Variants in SUCLG2 observed in about 807,000 individuals in gnomAD.
SUCLG2 encodes succinate-CoA ligase GDP-forming subunit beta.
SUCLG2 carries 42 observed loss-of-function variants against 47.9 expected under a neutral mutation model. The observed-to-expected ratio is 0.88, with a 90% CI of 0.69 to 1.14. The LOEUF is 1.14. Among genes scored for constraint, SUCLG2 ranks in the 50% most tolerant of loss-of-function variants. SUCLG2 has a pLI of 0.00. For synonymous variants in SUCLG2, 195 were observed against 197.3 expected (o/e 0.99, Z 0.10); for missense variants, 571 against 525.9 (o/e 1.09, Z -0.84).
At chr3:67,636,969 A>T (rs1701021605) in intron 1 of SUCLG2, among the ~76,000 whole-genome samples, 1 of 152,104 alleles carries the variant, frequency 6.6e-6, no homozygotes, top group Admixed American at 6.5e-5. Context: ...AGAAAGTAAG[A>T]CCTCAAGGCT....
intron 10 of SUCLG2, among the ~76,000 whole-genome samples, chr3:67,399,178 A>C (rs1300712890): frequency 6.8e-6 from 1 of 148,126 alleles, no homozygotes; most frequent in Admixed American, 6.7e-5. Context: ...TAATAATAAT[A>C]AAATAAAAAA....
At chr3:67,401,041 T>C (rs1488231671) in intron 9 of SUCLG2, among the ~76,000 whole-genome samples, 190 bp from the exon 10 acceptor site, 2 of 152,186 alleles carry the variant, frequency 1.3e-5, no homozygotes, top group African/African-American at 4.8e-5. Context: ...AATTAATAAA[T>C]ATCACAATAT....
Position 67,576,567 on chromosome 3 carries a change from C to A in SUCLG2, c.226+32888G>T, listed in dbSNP as rs1026163088. On this transcript the variant is annotated intron_variant, in intron 2 of 10. Transcript: ENST00000307227. The stretch of plus-strand genomic sequence containing the variant: ...AAATTTCCAGAGCAATCTTGAAGAG[C>A]TGCAACAGTTTAGGGAAATGTCAAG... Among the ~76,000 whole-genome samples, 6 of 152,284 alleles carry A rather than the reference C, an allele frequency of 3.9e-5. No homozygotes were observed. The South Asian group carries it at 6.2e-4, about 16-fold the overall frequency.
chr3:67,587,707 T>C (rs1003792338), intron 2 of SUCLG2, among the ~76,000 whole-genome samples: 1 of 152,226 alleles, frequency 6.6e-6, no homozygotes, highest in Non-Finnish European at 1.5e-5. Context: ...AATTGTACAG[T>C]TAATATTTCT....
intron 9 of SUCLG2, among the ~76,000 whole-genome samples, chr3:67,476,012 T>TCTCTCTCA (rs1342489887): frequency 1.3e-5 from 2 of 151,760 alleles, no homozygotes; most frequent in East Asian, 3.9e-4. Context: ...TCTCTCTCTC[T>TCTCTCTCA]CACAAGCTAA....
intron 7 of SUCLG2, among the ~76,000 whole-genome samples, chr3:67,507,656 T>C (rs1705673696): frequency 6.6e-6 from 1 of 152,230 alleles, no homozygotes; most frequent in Admixed American, 6.5e-5. Context: ...ATAGTGTAGT[T>C]TCTCTGAGTC....
intron 9 of SUCLG2, among the ~76,000 whole-genome samples, chr3:67,461,774 T>C (rs1488199499): frequency 2.0e-5 from 3 of 152,088 alleles, no homozygotes; most frequent in Non-Finnish European, 2.9e-5. Context: ...GGAGGTAGCA[T>C]GGCCCCCAGC....
At chr3:67,615,919 T>C (rs980301448) in intron 1 of SUCLG2, among the ~76,000 whole-genome samples, 4 of 152,040 alleles carry the variant, frequency 2.6e-5, no homozygotes, top group South Asian at 2.1e-4. Flanking sequence ...GCCCATCAAA[T>C]AGAAGACTGG....
chr3:67,630,769 A>G (rs1189113258), intron 1 of SUCLG2, among the ~76,000 whole-genome samples: 2 of 152,248 alleles, frequency 1.3e-5, no homozygotes, highest in Non-Finnish European at 2.9e-5. Flanking sequence ...CATGGATACC[A>G]TCAACAGGAG....
chr3:67,648,303 A>C (rs966406777), intron 1 of SUCLG2, among the ~76,000 whole-genome samples: 2 of 152,160 alleles, frequency 1.3e-5, no homozygotes, highest in African/African-American at 4.8e-5. Context: ...AGCCAGAGAG[A>C]GAGGAAGGTG....
intron 2 of SUCLG2, among the ~76,000 whole-genome samples, chr3:67,556,908 T>TA (rs1433236808): frequency 1.3e-5 from 2 of 151,964 alleles, no homozygotes; most frequent in African/African-American, 4.8e-5. Context: ...ATAACACAAG[T>TA]AAAAAAACTG....
intron 2 of SUCLG2, among the ~76,000 whole-genome samples, chr3:67,557,891 G>A (rs1575776775): frequency 1.3e-5 from 2 of 152,166 alleles, no homozygotes; most frequent in East Asian, 3.8e-4. Flanking sequence ...CCTTAGGCTT[G>A]CAGAACACTA....
At chr3:67,508,974 A>G in intron 6 of SUCLG2, 71 bp from the exon 7 acceptor site, 1 of 1,167,762 alleles carries the variant, frequency 8.6e-7, no homozygotes, top group Non-Finnish European at 1.2e-6. Context: ...GGATTAATGA[A>G]ACCTTAAAAA....
intron 10 of SUCLG2, among the ~76,000 whole-genome samples, chr3:67,397,680 A>C (rs1187521684): frequency 1.3e-5 from 2 of 152,214 alleles, no homozygotes; most frequent in Non-Finnish European, 1.5e-5. Flanking sequence ...TTTAAAGTTC[A>C]TATGGAACCA....
At chr3:67,399,235 C>T (rs1303683643) in intron 10 of SUCLG2, among the ~76,000 whole-genome samples, 1 of 152,108 alleles carries the variant, frequency 6.6e-6, no homozygotes, top group Non-Finnish European at 1.5e-5. Context: ...GATTACACAT[C>T]TGTTTGATAC....
At chr3:67,434,632 A>C (rs987515713) in intron 9 of SUCLG2, among the ~76,000 whole-genome samples, 25 of 152,238 alleles carry the variant, frequency 1.6e-4, no homozygotes, top group Non-Finnish European at 1.5e-5. Context: ...ACTTAGGATG[A>C]GAGAAGGGGA....
intron 4 of SUCLG2, among the ~76,000 whole-genome samples, chr3:67,521,916 G>A (rs780511897): frequency 4.6e-5 from 7 of 151,954 alleles, no homozygotes; most frequent in Non-Finnish European, 8.8e-5. Flanking sequence ...ACCACGCCTG[G>A]CCTCTTTTTT....
At chr3:67,496,645 C>A (rs757338055) in intron 8 of SUCLG2, among the ~76,000 whole-genome samples, 47 of 152,088 alleles carry the variant, frequency 3.1e-4, no homozygotes, top group Non-Finnish European at 1.3e-4. Context: ...AAAACTGGAA[C>A]CAAAATGTGC....
chr3:67,606,582 T>A (rs1169217633), intron 2 of SUCLG2, among the ~76,000 whole-genome samples: 1 of 152,184 alleles, frequency 6.6e-6, no homozygotes, highest in Non-Finnish European at 1.5e-5. Flanking sequence ...AAGGCTGGAA[T>A]ACAGTACTAA....
Sources: allele counts gnomAD v4.1 joint callset (sites outside exome capture counted in the v4.1 genomes callset), GRCh38; gene constraint gnomAD v4.1.1; transcripts MANE v1.5; gene names NCBI Gene and HGNC (gene_info 2026-07-23, HGNC 2026-07-21).